Variants in LRP1B observed in about 807,000 individuals in gnomAD.
LRP1B encodes LDL receptor related protein 1B.
LRP1B carries 217 observed loss-of-function variants against 556.6 expected under a neutral mutation model. The observed-to-expected ratio is 0.39, with a 90% confidence interval of 0.35 to 0.44. The LOEUF (loss-of-function observed/expected upper bound fraction) is 0.44, where lower values mean the gene tolerates loss of function less well. LRP1B is among the 20% of genes least tolerant of loss of function. LRP1B has a pLI of 1.00. For synonymous variants in LRP1B, 2,047 were observed against 1,865.8 expected (o/e 1.10, Z -2.50); for missense variants, 5,053 against 5,620.8 (o/e 0.90, Z 3.23).
chr2:141,540,219 C>T (rs774888583), intron 2 of LRP1B, among the ~76,000 whole-genome samples: 3 of 151,916 alleles, frequency 2.0e-5, no homozygotes, highest in Non-Finnish European at 4.4e-5. Flanking sequence ...TTAAAACCTA[C>T]TTCACACCTT....
chr2:141,933,738 A>C (rs1700563422), intron 1 of LRP1B, among the ~76,000 whole-genome samples: 1 of 152,182 alleles, frequency 6.6e-6, no homozygotes, highest in African/African-American at 2.4e-5. Context: ...ACCAAGTAAA[A>C]ACTCAAGCTA....
intron 2 of LRP1B, among the ~76,000 whole-genome samples, chr2:141,759,676 T>C (rs1694459634): frequency 6.6e-6 from 1 of 152,282 alleles, no homozygotes; most frequent in South Asian, 2.1e-4. Flanking sequence ...TGTTTATCTC[T>C]AGATAGAAAA....
intron 7 of LRP1B, among the ~76,000 whole-genome samples, chr2:141,090,766 CTT>C (rs1407042848): frequency 6.6e-6 from 1 of 152,188 alleles, no homozygotes; most frequent in East Asian, 1.9e-4. Context: ...TTCTCAGTCA[CTT>C]TTTTTAAAGG....
chr2:141,259,526 T>C (rs1684608339), intron 3 of LRP1B, among the ~76,000 whole-genome samples: 1 of 152,230 alleles, frequency 6.6e-6, no homozygotes. Context: ...TTCTCCTCTC[T>C]GTACACTTGT....
At chr2:141,698,751 C>T (rs540351024) in intron 2 of LRP1B, among the ~76,000 whole-genome samples, 45 of 151,590 alleles carry the variant, frequency 3.0e-4, no homozygotes, top group African/African-American at 1.1e-3. Flanking sequence ...AAAAAAAGAG[C>T]TTAGGGCATT....
At chr2:140,672,578 T>C (rs1010992633) in intron 41 of LRP1B, among the ~76,000 whole-genome samples, 4 of 151,670 alleles carry the variant, frequency 2.6e-5, no homozygotes, top group African/African-American at 9.7e-5. Flanking sequence ...TGGGAAAAAT[T>C]CTCTGTGGCT....
At chr2:140,496,216 C>A (rs1011527914) in intron 55 of LRP1B, among the ~76,000 whole-genome samples, 1 of 151,978 alleles carries the variant, frequency 6.6e-6, no homozygotes, top group African/African-American at 2.4e-5. Flanking sequence ...TAGGTTGGTA[C>A]AAAAGTAATT....
intron 43 of LRP1B, among the ~76,000 whole-genome samples, chr2:140,594,203 C>A (rs566740652): frequency 6.6e-6 from 1 of 152,102 alleles, no homozygotes; most frequent in African/African-American, 2.4e-5. Context: ...CTCCCGACCT[C>A]GGGTGATCCA....
chr2:141,912,623 A>T (rs950187151), intron 1 of LRP1B, among the ~76,000 whole-genome samples: 1 of 151,998 alleles, frequency 6.6e-6, no homozygotes, highest in African/African-American at 2.4e-5. Flanking sequence ...AGAACATGCC[A>T]CTCTGGTATA....
intron 1 of LRP1B, among the ~76,000 whole-genome samples, chr2:141,945,761 C>T (rs1482700524): frequency 7.1e-6 from 1 of 140,564 alleles, no homozygotes; most frequent in Non-Finnish European, 1.6e-5. Flanking sequence ...CAATGCACTT[C>T]ATCTGTCTCA....
intron 2 of LRP1B, among the ~76,000 whole-genome samples, chr2:141,636,302 A>G (rs1689106973): frequency 6.6e-6 from 1 of 152,206 alleles, no homozygotes; most frequent in African/African-American, 2.4e-5. Flanking sequence ...AGTCAACAAA[A>G]AAAGCATGAA....
chr2:141,406,039 G>T (rs1395560386), intron 3 of LRP1B, among the ~76,000 whole-genome samples: 1 of 152,096 alleles, frequency 6.6e-6, no homozygotes, highest in East Asian at 1.9e-4. Flanking sequence ...CGAAGAAATA[G>T]GCTTAATTCT....
At chr2:141,376,212 T>C (rs1214246277) in intron 3 of LRP1B, among the ~76,000 whole-genome samples, 1 of 152,204 alleles carries the variant, frequency 6.6e-6, no homozygotes. Flanking sequence ...GGTTCTCTTT[T>C]TGCAGCAACA....
Position 140,629,052 on chromosome 2 carries a change from T to A in LRP1B, c.6800-27413A>T, listed in dbSNP as rs1362682784. ...TACAAATTACCCAGTCTCGGGTAGTTCTTTTTTATTTTTTATTTTGAGATG... is the reference window on the plus strand; with the variant it reads ...TACAAATTACCCAGTCTCGGGTAGTACTTTTTTATTTTTTATTTTGAGATG... On this transcript the variant is annotated intron_variant, in intron 41 of 90. Transcript: ENST00000389484. Among the ~76,000 whole-genome samples the A allele has an allele frequency of 3.3e-5, 5 of 151,948 alleles. No homozygotes were observed. In the South Asian group the frequency reaches 8.3e-4, roughly 25 times the overall value.
chr2:141,409,859 T>A (rs1690786224), intron 3 of LRP1B, among the ~76,000 whole-genome samples: 1 of 151,966 alleles, frequency 6.6e-6, no homozygotes, highest in African/African-American at 2.4e-5. Context: ...AAAGAAGGAT[T>A]AAGCCACACA....
intron 1 of LRP1B, among the ~76,000 whole-genome samples, chr2:141,821,875 C>T (rs2105730844): frequency 6.6e-6 from 1 of 151,884 alleles, no homozygotes; most frequent in African/African-American, 2.4e-5. Flanking sequence ...GAAGCTTTGC[C>T]CATTTATCAT....
At chr2:141,360,298 G>T (rs1688776401) in intron 3 of LRP1B, among the ~76,000 whole-genome samples, 1 of 152,176 alleles carries the variant, frequency 6.6e-6, no homozygotes, top group Non-Finnish European at 1.5e-5. Context: ...TCCAAGTCAG[G>T]ACCAAAAGTG....
At position 141,096,679 on chromosome 2, in the gene LRP1B, A is replaced by AGAGG. The variant is rs1553459411; in HGVS notation, c.1014-34407_1014-34406insCCTC. Among the ~76,000 whole-genome samples the AGAGG allele has an allele frequency of 4.5e-3, 402 of 88,494 alleles. 35 individuals carry two copies. Among genetic ancestry groups the AGAGG allele is most frequent in the African/African-American group, 0.011 (299 of 26,648 alleles). 58.1% of individuals were successfully genotyped at this position (88,494 alleles called of 152,430 possible). On this transcript the variant is annotated intron_variant, in intron 7 of 90. Coordinates refer to ENST00000389484, the MANE Select transcript of LRP1B (RefSeq NM_018557.3). ...GAGAGAGAGAGAGAGAGAGAGAGAG[A>AGAGG]GAGAGAGAGAGAAAATAAATAAATA...
intron 31 of LRP1B, among the ~76,000 whole-genome samples, chr2:140,827,233 G>A (rs1050319067): frequency 7.9e-5 from 12 of 151,954 alleles, no homozygotes; most frequent in Admixed American, 2.0e-4. Flanking sequence ...AGAAACTACA[G>A]CAAACAGGGA....
Sources: gnomAD v4.1 joint callset for allele counts (sites outside exome capture counted in the v4.1 genomes callset) on GRCh38, gnomAD v4.1.1 for gene constraint, MANE v1.5 for transcripts, NCBI Gene and HGNC (gene_info 2026-07-23, HGNC 2026-07-21) for gene names.